MCC: variants seen among roughly 807,000 people sequenced by gnomAD.
MCC encodes colorectal mutant cancer protein.
In MCC, 90 loss-of-function variants were observed where a neutral mutation model predicts 116.2. That is an observed-to-expected ratio of 0.77 (90% CI 0.65 to 0.92). The LOEUF (loss-of-function observed/expected upper bound fraction) is 0.92. MCC is among the 40% of genes least tolerant of loss of function. The probability of loss-of-function intolerance (pLI) is 0.00; values close to 1 mark genes in which losing one functional copy is unlikely to be tolerated. For missense variants in MCC, 1,516 were observed against 1,312.2 expected (o/e 1.16, Z -2.40); for synonymous variants, 578 against 510.5 (o/e 1.13, Z -1.78).
chr5:113,095,718 C>A (rs556585719), intron 8 of MCC, among the ~76,000 whole-genome samples: 1 of 151,510 alleles, frequency 6.6e-6, no homozygotes, highest in Non-Finnish European at 1.5e-5. Context: ...TTTGGTAGAA[C>A]AGAGGTCTTG....
intron 1 of MCC, among the ~76,000 whole-genome samples, chr5:113,432,013 G>A (rs1185707411): frequency 6.6e-6 from 1 of 152,226 alleles, no homozygotes; most frequent in Admixed American, 6.5e-5. Flanking sequence ...GCACACGCCT[G>A]TAGTCCCAGC....
In MCC at chr5:113,027,483, C is replaced by A. The variant is rs1468719345; in HGVS notation, c.2880-1G>T. The A allele has an allele frequency of 6.2e-7, 1 of 1,613,898 alleles. No individual in the cohort carries two copies. The highest frequency in any genetic ancestry group is 1.3e-5 in the African/African-American group (1 of 74,902). ...TTTCTCATAGGCAGCCACCAGGTTG[C>A]TAGGTGGGAATGAAGGGAAATTGGT... On this transcript the variant is annotated splice_acceptor_variant, in intron 18 of 18. Transcript: ENST00000408903. LOFTEE classifies it high-confidence loss of function.
intron 5 of MCC, among the ~76,000 whole-genome samples, chr5:113,134,555 C>CTTTTTTTTT: frequency 4.0e-4 from 12 of 30,114 alleles, no homozygotes; most frequent in East Asian, 1.5e-3. Flanking sequence ...GCTATTTGGG[C>CTTTTTTTTT]TTTTTTTTTT....
At chr5:113,140,544 G>T (rs1318811119) in intron 5 of MCC, among the ~76,000 whole-genome samples, 2 of 152,168 alleles carry the variant, frequency 1.3e-5, no homozygotes, top group Non-Finnish European at 2.9e-5. Flanking sequence ...TGACTGTAAG[G>T]GATGGGAGTC....
chr5:113,203,537 C>T (rs1050602010), intron 3 of MCC, among the ~76,000 whole-genome samples: 2 of 151,872 alleles, frequency 1.3e-5, no homozygotes, highest in South Asian at 2.1e-4. Context: ...GGGGGGCCAC[C>T]GAATACTCCC....
intron 1 of MCC, among the ~76,000 whole-genome samples, chr5:113,425,917 T>C (rs1173866272): frequency 6.6e-6 from 1 of 152,032 alleles, no homozygotes; most frequent in East Asian, 1.9e-4. Flanking sequence ...TCATGGGAGT[T>C]GGCAATACTC....
intron 5 of MCC, among the ~76,000 whole-genome samples, chr5:113,130,516 C>T (rs534229209): frequency 2.2e-4 from 33 of 152,166 alleles, no homozygotes; most frequent in Middle Eastern, 3.4e-3. Flanking sequence ...TCTTGAGAGC[C>T]TGCTATGGTT....
At chr5:113,358,272 AG>A (rs1356958176) in intron 2 of MCC, among the ~76,000 whole-genome samples, 8 of 152,196 alleles carry the variant, frequency 5.3e-5, no homozygotes, top group Admixed American at 1.3e-4. Context: ...CTACTTGGCC[AG>A]CTCTAATCTT....
At chr5:113,103,260 T>C (rs995818900) in intron 7 of MCC, among the ~76,000 whole-genome samples, 2 of 152,244 alleles carry the variant, frequency 1.3e-5, no homozygotes, top group Non-Finnish European at 2.9e-5. Context: ...TGCTGCTTTG[T>C]CCTTCCTTTA....
intron 9 of MCC, 41 bp downstream of exon 9, chr5:113,085,123 G>C: frequency 1.2e-6 from 2 of 1,613,234 alleles, no homozygotes; most frequent in Non-Finnish European, 1.7e-6. Context: ...CCAGATAACA[G>C]GAGGTGTTCC....
rs530224866 is a variant in MCC at position 113,293,207 on chromosome 5, C to T, written c.627+47312G>A. Among the ~76,000 whole-genome samples, 11 of 151,674 alleles carry T rather than the reference C, an allele frequency of 7.3e-5. No individual in the cohort carries two copies. In the South Asian group the frequency reaches 2.3e-3, roughly 32 times the overall value. ...TAGGTTTCCCCCAACCCCATTTAATCCCCCCTCTTTCCCATCACCAGGTGT... is the reference window on the plus strand; with the variant it reads ...TAGGTTTCCCCCAACCCCATTTAATTCCCCCTCTTTCCCATCACCAGGTGT... On this transcript the variant is annotated intron_variant, in intron 3 of 18. Coordinates refer to ENST00000408903, the MANE Select transcript of MCC (RefSeq NM_001085377.2).
At chr5:113,102,001 A>G (rs1756450933) in intron 7 of MCC, 56 bp from the exon 8 acceptor site, 3 of 1,559,284 alleles carry the variant, frequency 1.9e-6, no homozygotes, top group Middle Eastern at 1.7e-4. Context: ...GAAAGGGGAT[A>G]GGAAGAAAAT....
At chr5:113,356,061 G>A (rs1260557683) in intron 2 of MCC, among the ~76,000 whole-genome samples, 2 of 51,328 alleles carry the variant, frequency 3.9e-5, no homozygotes, top group Non-Finnish European at 6.9e-5. Context: ...CAGGCAAGGT[G>A]TATTTTTTTT....
chr5:113,485,888 T>C (rs1204965864), intron 1 of MCC, among the ~76,000 whole-genome samples: 1 of 152,230 alleles, frequency 6.6e-6, no homozygotes, highest in Admixed American at 6.5e-5. Flanking sequence ...AAGGTTTTAA[T>C]GTTAAAAAGT....
chr5:113,437,950 T>C (rs1009960502), intron 1 of MCC, among the ~76,000 whole-genome samples: 15 of 152,210 alleles, frequency 9.9e-5, no homozygotes, highest in African/African-American at 3.4e-4. Context: ...TGTGGGATTC[T>C]CTTTGGATAC....
chr5:113,285,652 TCA>T (rs750743964), intron 3 of MCC, among the ~76,000 whole-genome samples: 2 of 152,156 alleles, frequency 1.3e-5, no homozygotes, highest in Non-Finnish European at 2.9e-5. Flanking sequence ...GTCCCTCATT[TCA>T]CAGACTCCCA....
chr5:113,290,520 C>G (rs762041207), intron 3 of MCC, among the ~76,000 whole-genome samples: 1 of 152,174 alleles, frequency 6.6e-6, no homozygotes, highest in Non-Finnish European at 1.5e-5. Flanking sequence ...ACAACCAGAT[C>G]AAGCAGACAA....
chr5:113,188,775 T>C (rs1278392479), intron 3 of MCC, among the ~76,000 whole-genome samples: 2 of 152,200 alleles, frequency 1.3e-5, no homozygotes, highest in Non-Finnish European at 2.9e-5. Flanking sequence ...GGAAGAATAA[T>C]GTGCCCAGGG....
rs1282429837 is a variant in MCC at position 113,163,074 on chromosome 5, A to C, written c.628-11652T>G. 3.9e-5 allele frequency among the ~76,000 whole-genome samples: 6 copies of C among 152,110 alleles called. No homozygotes were observed. In the South Asian group the frequency reaches 1.0e-3, roughly 26 times the overall value. On this transcript the variant is annotated intron_variant, in intron 3 of 18. Coordinates refer to ENST00000408903, the MANE Select transcript of MCC (RefSeq NM_001085377.2). ...GTAAGCAGGCAAACACATTCATCCT[A>C]AACAGCCTGGAAACTGGAGTAGCCT...
Sources: gnomAD v4.1 joint callset for allele counts (sites outside exome capture counted in the v4.1 genomes callset) on GRCh38, gnomAD v4.1.1 for gene constraint, MANE v1.5 for transcripts, NCBI Gene and HGNC (gene_info 2026-07-23, HGNC 2026-07-21) for gene names.